The following MYO5B variants were observed in gnomAD, a reference collection of about 807,000 sequenced individuals.
MYO5B encodes the protein myosin VB.
In MYO5B, 143 loss-of-function variants were observed where a neutral mutation model predicts 229.3. That is an observed-to-expected ratio of 0.62 (90% CI 0.54 to 0.72). The LOEUF (loss-of-function observed/expected upper bound fraction) is 0.72. Among genes scored for constraint, MYO5B ranks in the 30% least tolerant of loss-of-function variants. MYO5B has a pLI of 0.00. For missense variants in MYO5B, 2,321 were observed against 2,331.0 expected, an observed-to-expected ratio of 1.00 and a Z score of 0.09; for synonymous variants, 918 against 885.2, an observed-to-expected ratio of 1.04 and a Z score of -0.66.
At chr18:50,033,612 G>T (rs758634221) in intron 4 of MYO5B, among the ~76,000 whole-genome samples, 1 of 152,124 alleles carries the variant, frequency 6.6e-6, no homozygotes, top group East Asian at 1.9e-4. Context: ...AGCTGAGGAA[G>T]GTAAAAATGA....
chr18:49,970,319 T>C (rs983896314), intron 10 of MYO5B, among the ~76,000 whole-genome samples: 2 of 152,166 alleles, frequency 1.3e-5, no homozygotes, highest in Non-Finnish European at 2.9e-5. Flanking sequence ...TTGCACTTTT[T>C]GTGGAGCTGG....
At chr18:49,870,208 A>C (rs948421305) in intron 27 of MYO5B, among the ~76,000 whole-genome samples, 1 of 152,226 alleles carries the variant, frequency 6.6e-6, no homozygotes, top group East Asian at 1.9e-4. Context: ...TTGTTTAAAA[A>C]GTCAAATGGT....
At chr18:49,948,100 C>A (rs2025394485) in intron 14 of MYO5B, among the ~76,000 whole-genome samples, 1 of 152,200 alleles carries the variant, frequency 6.6e-6, no homozygotes, top group Admixed American at 6.5e-5. Context: ...TGACACATAG[C>A]TGTTACCTTG....
chr18:49,997,905 C>T (rs970605758), intron 5 of MYO5B, among the ~76,000 whole-genome samples: 1 of 152,104 alleles, frequency 6.6e-6, no homozygotes, highest in South Asian at 2.1e-4. Flanking sequence ...GCCATCCTTC[C>T]CTAGGATGGG....
intron 14 of MYO5B, among the ~76,000 whole-genome samples, chr18:49,939,987 T>C (rs1046508266): frequency 2.0e-5 from 3 of 152,172 alleles, no homozygotes; most frequent in African/African-American, 7.2e-5. Context: ...AGGTCCCATA[T>C]AGCAGTGACA....
intron 4 of MYO5B, among the ~76,000 whole-genome samples, chr18:50,021,885 TCTC>T (rs2026279439): frequency 6.6e-6 from 1 of 152,142 alleles, no homozygotes; most frequent in Non-Finnish European, 1.5e-5. Flanking sequence ...TGGGAAGTTC[TCTC>T]CTCCCTAACA....
intron 1 of MYO5B, among the ~76,000 whole-genome samples, chr18:50,188,806 A>C (rs568228797): frequency 0.45 from 64,337 of 143,120 alleles, 15,272 homozygotes; most frequent in Admixed American, 0.53. Context: ...AAAAAAAAAA[A>C]AAAAAAAAAA....
intron 24 of MYO5B, 40 bp from the exon 25 acceptor site, chr18:49,877,922 A>C: frequency 6.2e-7 from 1 of 1,613,576 alleles, no homozygotes. Context: ...TTAGGAACTA[A>C]TGTTCATGAG....
intron 1 of MYO5B, among the ~76,000 whole-genome samples, chr18:50,118,371 TAACTTA>T (rs2032000973): frequency 6.6e-6 from 1 of 152,212 alleles, no homozygotes; most frequent in African/African-American, 2.4e-5. Context: ...CAGCCTTTAG[TAACTTA>T]AAGTCAGTGT....
At position 49,853,470 on chromosome 18, in the gene MYO5B, G is replaced by T; in HGVS notation, c.4200C>A (p.Ser1400=). Residue 1400 remains serine, a synonymous_variant, in exon 31 of 40, where the codon TCC becomes TCA. Coordinates refer to ENST00000285039, the MANE Select transcript of MYO5B (RefSeq NM_001080467.3). ...CCACCAGATTCTCGTTGGTCAGCCG[G>T]GATATTTCCTGCTGAACGCCGAATT... ...QVEFGVQQEI[S]RLTNENLDLK... 2 of 1,613,846 alleles carry T rather than the reference G, an allele frequency of 1.2e-6. No homozygotes were observed. The highest frequency in any genetic ancestry group is 2.2e-5 in the South Asian group (2 of 91,024).
chr18:49,939,719 G>T (rs950994779), intron 14 of MYO5B, among the ~76,000 whole-genome samples: 2 of 152,126 alleles, frequency 1.3e-5, no homozygotes, highest in Non-Finnish European at 2.9e-5. Flanking sequence ...CTCGGCCTCC[G>T]GATGCCCAGG....
intron 23 of MYO5B, among the ~76,000 whole-genome samples, chr18:49,879,598 G>C (rs2024564495): frequency 6.6e-6 from 1 of 152,344 alleles, no homozygotes; most frequent in South Asian, 2.1e-4. Context: ...TTTGAAAACA[G>C]TTCACATTTT....
At chr18:50,127,302 AC>A (rs1257980100) in intron 1 of MYO5B, among the ~76,000 whole-genome samples, 1 of 152,168 alleles carries the variant, frequency 6.6e-6, no homozygotes, top group Non-Finnish European at 1.5e-5. Context: ...GGAACCAAGA[AC>A]CCAGGTTCTC....
intron 1 of MYO5B, chr18:50,097,499 C>T (rs948824978): frequency 1.6e-4 from 51 of 326,738 alleles, no homozygotes; most frequent in Admixed American, 2.4e-4. Context: ...CTTGAGAAAT[C>T]GCGGTGTTAT....
intron 1 of MYO5B, among the ~76,000 whole-genome samples, chr18:50,100,516 G>C (rs1231345630): frequency 6.6e-6 from 1 of 152,132 alleles, no homozygotes; most frequent in Non-Finnish European, 1.5e-5. Context: ...ATGGTATGGA[G>C]GGAAGGGAAG....
Position 49,844,823 on chromosome 18 carries a change from G to C in MYO5B, c.4460-1431C>G, listed in dbSNP as rs189802534. Among the ~76,000 whole-genome samples the C allele has an allele frequency of 2.8e-3, 424 of 152,358 alleles. 4 individuals carry two copies. The highest frequency in any genetic ancestry group is 8.7e-3 in the African/African-American group (363 of 41,582). On this transcript the variant is annotated intron_variant, in intron 33 of 39. Transcript: ENST00000285039. ...GTCCTGTCTTGGAATGTTCTATTGT[G>C]ATTAAATAAAGCTTGTTTGGGTGCC... is the stretch of plus-strand genomic sequence containing the variant.
intron 4 of MYO5B, among the ~76,000 whole-genome samples, chr18:50,021,593 C>T (rs186016424): frequency 9.1e-4 from 139 of 152,196 alleles, no homozygotes; most frequent in Non-Finnish European, 1.6e-3. Context: ...TTGGGTGTCA[C>T]GCTCTGTCTG....
intron 3 of MYO5B, among the ~76,000 whole-genome samples, chr18:50,039,510 T>G (rs980810268): frequency 2.6e-5 from 4 of 152,048 alleles, no homozygotes; most frequent in Non-Finnish European, 5.9e-5. Context: ...TTTTTGTACT[T>G]TTAGTAGAGA....
chr18:50,002,109 C>T (rs1354334457), intron 4 of MYO5B, among the ~76,000 whole-genome samples: 2 of 152,020 alleles, frequency 1.3e-5, no homozygotes, highest in African/African-American at 4.8e-5. Context: ...CTAACATTCC[C>T]ATCTTGTGTC....
Sources: allele counts gnomAD v4.1 joint callset (sites outside exome capture counted in the v4.1 genomes callset), GRCh38; gene constraint gnomAD v4.1.1; transcripts MANE v1.5; gene names NCBI Gene and HGNC (gene_info 2026-07-23, HGNC 2026-07-21).